PALLD: variants seen among roughly 807,000 people sequenced by gnomAD.
PALLD encodes the protein palladin, cytoskeletal associated protein.
A neutral mutation model predicts 123.5 loss-of-function variants in PALLD; 61 were observed. The ratio of observed to expected loss-of-function variants is 0.49; its 90% CI spans 0.40 to 0.61. PALLD has a LOEUF of 0.61. PALLD is among the 20% of genes least tolerant of loss of function. PALLD has a pLI of 0.00. For synonymous variants in PALLD, 465 were observed against 496.4 expected (o/e 0.94, Z 0.84); for missense variants, 1,273 against 1,377.0 (o/e 0.92, Z 1.20).
intron 2 of PALLD, chr4:168,631,565 C>G: frequency 3.1e-6 from 3 of 978,382 alleles, no homozygotes; most frequent in Non-Finnish European, 3.6e-6. Flanking sequence ...CCCCAGCAGC[C>G]CGGCACTCCG....
intron 15 of PALLD, 75 bp downstream of exon 15, chr4:168,903,981 T>C (rs1259489810): frequency 3.7e-6 from 5 of 1,354,738 alleles, no homozygotes; most frequent in Non-Finnish European, 5.3e-6. Flanking sequence ...AAGGAACTAT[T>C]TAAAAGGTGA....
intron 10 of PALLD, among the ~76,000 whole-genome samples, chr4:168,722,166 T>C (rs1343797732): frequency 3.9e-5 from 6 of 152,118 alleles, no homozygotes; most frequent in Admixed American, 6.6e-5. Flanking sequence ...TGCCTCAGCC[T>C]CCCAAGTAGC....
intron 2 of PALLD, among the ~76,000 whole-genome samples, chr4:168,572,538 G>A (rs901875899): frequency 2.6e-5 from 4 of 151,964 alleles, no homozygotes; most frequent in East Asian, 1.9e-4. Flanking sequence ...AGGTGTGGAC[G>A]TTTAATAGGC....
intron 3 of PALLD, among the ~76,000 whole-genome samples, chr4:168,672,958 C>T (rs1780444177): frequency 6.6e-6 from 1 of 152,176 alleles, no homozygotes; most frequent in South Asian, 2.1e-4. Flanking sequence ...CCTGAATCTG[C>T]CCTCTACCCT....
chr4:168,859,451 A>G (rs1195199485), intron 10 of PALLD, among the ~76,000 whole-genome samples: 1 of 152,234 alleles, frequency 6.6e-6, no homozygotes, highest in East Asian at 1.9e-4. Context: ...CATGCTGACC[A>G]TGTGTGGATG....
At position 168,542,112 on chromosome 4, in the gene PALLD, C is replaced by G. The variant is rs375498637; in HGVS notation, c.908+29700C>G. Among the ~76,000 whole-genome samples the G allele has an allele frequency of 7.9e-5, 12 of 152,306 alleles. 1 individual carries two copies. Among genetic ancestry groups the G allele is most frequent in the African/African-American group, 2.9e-4 (12 of 41,562 alleles). On this transcript the variant is annotated intron_variant, in intron 2 of 21. Coordinates refer to ENST00000505667, the MANE Select transcript of PALLD (RefSeq NM_001166108.2). ...ACATACACACACCTTTAAGGTTATA[C>G]TGCTGTTATCCACGTTTTGCAAGTG... is the stretch of plus-strand genomic sequence containing the variant.
intron 2 of PALLD, among the ~76,000 whole-genome samples, chr4:168,612,430 A>T (rs1317357889): frequency 6.6e-6 from 1 of 152,132 alleles, no homozygotes; most frequent in Non-Finnish European, 1.5e-5. Context: ...TTCGTGGATG[A>T]TCACTACAAG....
At chr4:168,789,048 T>C (rs1737141434) in intron 10 of PALLD, among the ~76,000 whole-genome samples, 1 of 152,226 alleles carries the variant, frequency 6.6e-6, no homozygotes, top group Non-Finnish European at 1.5e-5. Flanking sequence ...ATGATCTATG[T>C]GTACATTTCT....
intron 2 of PALLD, among the ~76,000 whole-genome samples, chr4:168,557,440 A>G (rs184916675): frequency 1.3e-5 from 2 of 152,260 alleles, no homozygotes; most frequent in African/African-American, 4.8e-5. Context: ...ACGGATCCCT[A>G]TTGTACTATT....
intron 10 of PALLD, among the ~76,000 whole-genome samples, chr4:168,734,508 CT>C (rs1218231160): frequency 6.6e-6 from 1 of 152,052 alleles, no homozygotes; most frequent in Non-Finnish European, 1.5e-5. Context: ...TGCCAATTTT[CT>C]TTTTTCTAGT....
chr4:168,877,874 C>T (rs1024788227), intron 10 of PALLD: 37 of 1,430,730 alleles, frequency 2.6e-5, no homozygotes, highest in Non-Finnish European at 3.4e-5. Context: ...CTGCACGCCG[C>T]CCGCGTCCCC....
chr4:168,765,395 G>A (rs1229578985), intron 10 of PALLD, among the ~76,000 whole-genome samples: 1 of 152,106 alleles, frequency 6.6e-6, no homozygotes, highest in South Asian at 2.1e-4. Context: ...ATAGGGAAAG[G>A]GAACACAAGG....
rs113992018 is a variant in PALLD, at chr4:168,646,199, T to C, written c.909-21991T>C. On this transcript the variant is annotated intron_variant, in intron 2 of 21. Transcript: ENST00000505667. ...CACGAAAAAGAAGGGCTGGGTCCTATGCCAGATGCTATGCCTGCTGCCTCC... is the reference window on the plus strand; with the variant it reads ...CACGAAAAAGAAGGGCTGGGTCCTACGCCAGATGCTATGCCTGCTGCCTCC... 3.2e-3 allele frequency among the ~76,000 whole-genome samples: 495 copies of C among 152,316 alleles called. 25 individuals are homozygous for C. In the South Asian group the frequency reaches 0.086, roughly 26 times the overall value.
chr4:168,546,287 A>G (rs974815925), intron 2 of PALLD, among the ~76,000 whole-genome samples: 1 of 150,586 alleles, frequency 6.6e-6, no homozygotes, highest in Non-Finnish European at 1.5e-5. Flanking sequence ...CCAGTAAAAA[A>G]TTCCAACGCC....
intron 2 of PALLD, among the ~76,000 whole-genome samples, chr4:168,664,497 C>A (rs1779433872): frequency 6.6e-6 from 1 of 152,122 alleles, no homozygotes; most frequent in Non-Finnish European, 1.5e-5. Context: ...CCTGTTTTTG[C>A]TTTTTAAATA....
intron 2 of PALLD, among the ~76,000 whole-genome samples, chr4:168,620,235 T>C (rs1325344521): frequency 6.6e-6 from 1 of 152,206 alleles, no homozygotes; most frequent in Non-Finnish European, 1.5e-5. Context: ...GGCAGGTGGA[T>C]CACGAGGTCA....
intron 10 of PALLD, among the ~76,000 whole-genome samples, chr4:168,780,268 TC>T (rs764021946): frequency 2.0e-5 from 3 of 152,200 alleles, no homozygotes; most frequent in Non-Finnish European, 4.4e-5. Flanking sequence ...TCCCCTCTTT[TC>T]CCTTAGGCAG....
chr4:168,698,427 C>T (rs149530359), intron 8 of PALLD, among the ~76,000 whole-genome samples: 368 of 152,118 alleles, frequency 2.4e-3, no homozygotes, highest in African/African-American at 8.1e-3. Flanking sequence ...GGGACAGATA[C>T]CCTGTTCTCC....
chr4:168,842,860 CAG>C (rs1234237840), intron 10 of PALLD, among the ~76,000 whole-genome samples: 10 of 152,174 alleles, frequency 6.6e-5, no homozygotes, highest in African/African-American at 2.4e-4. Context: ...AGATGAATCT[CAG>C]ACATCAGTAA....
Sources: allele counts gnomAD v4.1 joint callset (sites outside exome capture counted in the v4.1 genomes callset), GRCh38; gene constraint gnomAD v4.1.1; transcripts MANE v1.5; gene names NCBI Gene and HGNC (gene_info 2026-07-23, HGNC 2026-07-21).